The following MGAT4C variants were observed in gnomAD, a reference collection of about 807,000 sequenced individuals.
The protein encoded by MGAT4C is alpha-1,3-mannosyl-glycoprotein 4-beta-N-acetylglucosaminyltransferase C.
In MGAT4C, 19 loss-of-function variants were observed where a neutral mutation model predicts 40.1. The observed-to-expected ratio is 0.47, with a 90% confidence interval of 0.33 to 0.70. The LOEUF is 0.70. MGAT4C is among the 30% of genes least tolerant of loss of function. The pLI, the probability that MGAT4C is intolerant of heterozygous loss-of-function variation, is 0.02. For missense variants in MGAT4C, 491 were observed against 563.2 expected, an observed-to-expected ratio of 0.87 and a Z score of 1.30; for synonymous variants, 181 against 187.1, an observed-to-expected ratio of 0.97 and a Z score of 0.27.
At chr12:86,519,889 T>A (rs1958762645) in intron 2 of MGAT4C, among the ~76,000 whole-genome samples, 1 of 152,106 alleles carries the variant, frequency 6.6e-6, no homozygotes, top group Non-Finnish European at 1.5e-5. Context: ...GTGCATAAGA[T>A]TTTTTAGCTT....
chr12:86,068,049 C>T (rs1894727482), intron 1 of MGAT4C: 2 of 152,164 alleles, frequency 1.3e-5, no homozygotes, highest in Admixed American at 1.3e-4. Flanking sequence ...GATACCTCTC[C>T]AAAATTTCAA....
At chr12:86,688,579 G>A (rs897816728) in intron 2 of MGAT4C, among the ~76,000 whole-genome samples, 1 of 152,068 alleles carries the variant, frequency 6.6e-6, no homozygotes, top group Admixed American at 6.6e-5. Flanking sequence ...TGTCTGTGAA[G>A]ATTTTATTTC....
intron 1 of MGAT4C, among the ~76,000 whole-genome samples, chr12:86,786,179 T>A (rs1005357255): frequency 1.3e-5 from 2 of 152,114 alleles, no homozygotes; most frequent in African/African-American, 4.8e-5. Flanking sequence ...GTCTAACAGA[T>A]AAACAGCTGA....
intron 3 of MGAT4C, among the ~76,000 whole-genome samples, chr12:86,383,548 T>TC (rs1306580966): frequency 4.8e-4 from 5 of 10,328 alleles, no homozygotes; most frequent in East Asian, 5.2e-3. Context: ...ACACTTCGTC[T>TC]CAAAAAAAAA....
chr12:86,404,689 G>A (rs1956430043), intron 3 of MGAT4C, among the ~76,000 whole-genome samples: 1 of 152,000 alleles, frequency 6.6e-6, no homozygotes. Flanking sequence ...AGCAGACACA[G>A]AAAACGAATA....
chr12:86,201,288 T>C (rs904675478), intron 1 of MGAT4C, among the ~76,000 whole-genome samples: 8 of 152,034 alleles, frequency 5.3e-5, no homozygotes, highest in African/African-American at 1.9e-4. Flanking sequence ...AGCAACTTTG[T>C]TGAAAGCCAC....
chr12:86,072,026 TTGTGTGTGTGTGTGTG>T (rs71076158), intron 1 of MGAT4C, among the ~76,000 whole-genome samples: 55 of 148,952 alleles, frequency 3.7e-4, no homozygotes, highest in Non-Finnish European at 6.3e-4. Flanking sequence ...GCATAGGGTT[TTGTGTGTGTGTGTGTG>T]TGTGTGTGTG....
At chr12:86,383,549 CAAAAAAAAAAAA>C (rs1159593477) in intron 3 of MGAT4C, among the ~76,000 whole-genome samples, 134 of 49,856 alleles carry the variant, frequency 2.7e-3, no homozygotes, top group African/African-American at 0.013. Context: ...CACTTCGTCT[CAAAAAAAAAAAA>C]AAAAAAAAAA....
intron 1 of MGAT4C, among the ~76,000 whole-genome samples, chr12:86,753,688 C>G (rs1166454891): frequency 6.6e-6 from 1 of 151,850 alleles, no homozygotes; most frequent in East Asian, 1.9e-4. Flanking sequence ...AAAAAAACCT[C>G]AATTTAAAAG....
chr12:85,973,734 C>CT lies in MGAT4C; in HGVS notation c.*5554dup, dbSNP rs954644839. 7 of 150,702 alleles carry CT rather than the reference C, an allele frequency of 4.6e-5. No homozygotes were observed. The highest frequency in any genetic ancestry group is 1.5e-4 in the African/African-American group (6 of 41,286). The allele number at this position is 150,702 out of a possible 1,614,324, so 9.3% of individuals were successfully genotyped here. On this transcript the variant is annotated 3_prime_UTR_variant, in exon 5 of 5. Transcript: ENST00000611864. ...TCACTTTCTCACATAATCAATTTAA[C>CT]TTTTTGGTAAATCTTCTAAGAGACC...
intron 1 of MGAT4C, among the ~76,000 whole-genome samples, chr12:86,065,491 C>T (rs1201784553): frequency 6.6e-6 from 1 of 152,150 alleles, no homozygotes; most frequent in African/African-American, 2.4e-5. Flanking sequence ...CAGGAAAGGG[C>T]TTTGACAACA....
chr12:86,078,889 T>G (rs981909046), intron 1 of MGAT4C, among the ~76,000 whole-genome samples: 1 of 152,240 alleles, frequency 6.6e-6, no homozygotes, highest in African/African-American at 2.4e-5. Context: ...TACAAATATT[T>G]TGACATCTGA....
At chr12:86,494,366 A>G (rs1371585963) in intron 2 of MGAT4C, among the ~76,000 whole-genome samples, 2 of 151,996 alleles carry the variant, frequency 1.3e-5, no homozygotes, top group Non-Finnish European at 1.5e-5. Context: ...TCAAATACTT[A>G]GTATAGAAAA....
At chr12:86,504,648 T>A (rs1401908060) in intron 2 of MGAT4C, among the ~76,000 whole-genome samples, 2 of 152,178 alleles carry the variant, frequency 1.3e-5, no homozygotes, top group Non-Finnish European at 2.9e-5. Context: ...CAGCAAGGTA[T>A]GTTAGTTAAT....
At chr12:86,697,538 G>A (rs1007812471) in intron 2 of MGAT4C, among the ~76,000 whole-genome samples, 4 of 152,012 alleles carry the variant, frequency 2.6e-5, no homozygotes, top group South Asian at 2.1e-4. Context: ...TACACAAAAT[G>A]TAATCACCCA....
intron 4 of MGAT4C, among the ~76,000 whole-genome samples, chr12:86,312,480 C>T (rs1954104015): frequency 6.6e-6 from 1 of 152,140 alleles, no homozygotes; most frequent in South Asian, 2.1e-4. Context: ...CTCATTCTGC[C>T]ACTTGCTAAG....
intron 4 of MGAT4C, among the ~76,000 whole-genome samples, chr12:86,262,765 AT>A (rs1268579635): frequency 6.6e-6 from 1 of 152,058 alleles, no homozygotes; most frequent in Non-Finnish European, 1.5e-5. Context: ...CTTGTATTTG[AT>A]AAACCTTTTA....
rs1035304759 is a variant in MGAT4C, at chr12:86,490,987, A to C, written c.-228-55722T>G. 1.2e-3 allele frequency among the ~76,000 whole-genome samples: 183 copies of C among 152,166 alleles called. 2 individuals are homozygous for C. Among genetic ancestry groups the C allele is most frequent in the Non-Finnish European group, 2.5e-3 (171 of 68,042 alleles). On this transcript the variant is annotated intron_variant, in intron 2 of 7. Coordinates refer to the MGAT4C transcript ENST00000548651. ...TGGGAGACCTTAACACCCCACTGTC[A>C]ACATTAGACAGATCAACGAGACAGA...
At position 86,033,399 on chromosome 12, in the gene MGAT4C, G is replaced by GT. The variant is rs1049303351; in HGVS notation, c.-7+16274dup. On this transcript the variant is annotated intron_variant, in intron 2 of 4. Coordinates refer to ENST00000611864, the MANE Select transcript of MGAT4C (RefSeq NM_001351288.2). ...TTCTTTCTATTAATGAGCATGGAAT[G>GT]TTTTTCCATTTGTTTATATTGTCTT... Among the ~76,000 whole-genome samples the GT allele has an allele frequency of 1.3e-5, 2 of 149,454 alleles. 1 individual carries two copies. Among genetic ancestry groups the GT allele is most frequent in the Non-Finnish European group, 3.0e-5 (2 of 66,608 alleles).
Sources: allele counts gnomAD v4.1 joint callset (sites outside exome capture counted in the v4.1 genomes callset), GRCh38; gene constraint gnomAD v4.1.1; transcripts MANE v1.5; gene names NCBI Gene and HGNC (gene_info 2026-07-23, HGNC 2026-07-21).